EEF1D: variants seen among roughly 807,000 people sequenced by gnomAD.
EEF1D encodes the protein eukaryotic translation elongation factor 1 delta.
EEF1D carries 47 observed loss-of-function variants against 63.9 expected under a neutral mutation model. The ratio of observed to expected loss-of-function variants is 0.74; its 90% CI spans 0.58 to 0.94. The LOEUF (loss-of-function observed/expected upper bound fraction) is 0.94, where lower values mean the gene tolerates loss of function less well. Among genes scored for constraint, EEF1D ranks in the 40% least tolerant of loss-of-function variants. EEF1D has a pLI of 0.00. For synonymous variants in EEF1D, 412 were observed against 386.1 expected (o/e 1.07, Z -0.79); for missense variants, 907 against 899.0 (o/e 1.01, Z -0.11).
intron 2 of EEF1D, chr8:143,592,170 G>T (rs1828080016): frequency 7.1e-6 from 7 of 985,396 alleles, no homozygotes; most frequent in African/African-American, 1.7e-5. Context: ...AGGGCATTGT[G>T]ACATCGTGCG....
At chr8:143,586,680 C>A in intron 4 of EEF1D, 49 bp downstream of exon 4, 1 of 1,600,886 alleles carries the variant, frequency 6.2e-7, no homozygotes, top group Non-Finnish European at 8.5e-7. Context: ...GCCCCGGCCA[C>A]TCCTGTCGGG....
At chr8:143,595,928 C>A (rs912377888) in intron 1 of EEF1D, among the ~76,000 whole-genome samples, 1 of 152,228 alleles carries the variant, frequency 6.6e-6, no homozygotes, top group African/African-American at 2.4e-5. Context: ...CTCACTGCCA[C>A]CAGCTTCCAA....
intron 1 of EEF1D, chr8:143,593,982 G>A (rs574928047): frequency 3.1e-5 from 29 of 928,370 alleles, no homozygotes; most frequent in African/African-American, 7.1e-5. Flanking sequence ...AGGAGAGCCC[G>A]GAGCAGGACA....
At chr8:143,591,941 G>A (rs1241331736) in intron 2 of EEF1D, 40 of 770,842 alleles carry the variant, frequency 5.2e-5, no homozygotes, top group Non-Finnish European at 6.1e-5. Flanking sequence ...GGAGTTCTTT[G>A]CGGGCATGTG....
rs965306748 is a variant in EEF1D, at chr8:143,579,903, G to C, written c.1906-73C>G. The C allele has an allele frequency of 5.2e-6, 8 of 1,543,568 alleles. No homozygotes were observed. The African/African-American group carries it at 8.2e-5, about 16-fold the overall frequency. On this transcript the variant is annotated intron_variant, in intron 9 of 9. Transcript: ENST00000618139. ...ACTCGGAGCCAGGAGCCTCCTCTGAGGTGGGGTTCACTCTGGGACTCGCTC... is the reference window on the plus strand; with the variant it reads ...ACTCGGAGCCAGGAGCCTCCTCTGACGTGGGGTTCACTCTGGGACTCGCTC...
Position 143,580,742 on chromosome 8 carries a change from G to C in EEF1D, c.1489-15C>G, listed in dbSNP as rs1209611225. 2 of 1,611,464 alleles carry C rather than the reference G, an allele frequency of 1.2e-6. No individual in the cohort carries two copies. Among genetic ancestry groups the C allele is most frequent in the Non-Finnish European group, 1.7e-6 (2 of 1,179,884 alleles). ...GGAGATACGTGCTGCCACAGGGGAA[G>C]GGACAGGAGGCACGGCTGAGACGCC... On this transcript the variant is annotated splice_polypyrimidine_tract_variant and intron_variant, in intron 7 of 9. Transcript: ENST00000618139.
intron 5 of EEF1D, chr8:143,586,000 C>T (rs895913573): frequency 3.6e-5 from 17 of 471,600 alleles, no homozygotes; most frequent in African/African-American, 1.4e-4. Context: ...GACCGCCAGC[C>T]GGCAGACGAG....
rs1482589034 is a variant in EEF1D, at chr8:143,580,619, C to T, written c.1597G>A (p.Glu533Lys). The change falls in exon 8 of 10, where the codon GAG becomes AAG. Residue 533 changes from glutamate (E) to lysine (K), a missense_variant. Physicochemically the swap from Glu to Lys is moderately conservative, Grantham distance 56 (BLOSUM62 1). Coordinates refer to ENST00000618139, the MANE Select transcript of EEF1D (RefSeq NM_001130053.5). Reference protein sequence around the residue: ...IDLFGSDNEEEDKEAAQLREE... With the variant: ...IDLFGSDNEEKDKEAAQLREE... ...CGCAGCTGTGCCGCCTCCTTGTCCT[C>T]CTCCTCATTGTCACTGCCAAACAGG... 1.2e-6 allele frequency: 2 copies of T among 1,613,866 alleles called. No individual in the cohort carries two copies. Among genetic ancestry groups the T allele is most frequent in the Admixed American group, 1.7e-5 (1 of 60,024 alleles).
chr8:143,594,008 C>T, intron 1 of EEF1D: 1 of 764,014 alleles, frequency 1.3e-6, no homozygotes, highest in Non-Finnish European at 1.6e-6. Context: ...ACTCTTTCAA[C>T]TGCGTCCCGA....
At position 143,589,271 on chromosome 8, in the gene EEF1D, C is replaced by A. The variant is rs1465049607; in HGVS notation, c.811G>T (p.Ala271Ser). ...CGCCGGTCTCTGCGGCCCCGCCGGG[C>A]ACCCTCGGCCAGGCCGGCTCGCTCT... ...LQERAGLAEG[A>S]RRGRRDRRGR... The change falls in exon 3 of 10, where the codon GCC becomes TCC. Residue 271 changes from alanine (A) to serine (S), a missense_variant. Ala to Ser is a moderately conservative substitution (Grantham distance 99). Transcript: ENST00000618139. 3 of 1,587,338 alleles carry A rather than the reference C, an allele frequency of 1.9e-6. No homozygotes were observed. Among genetic ancestry groups the A allele is most frequent in the Non-Finnish European group, 8.6e-7 (1 of 1,165,960 alleles).
intron 5 of EEF1D, among the ~76,000 whole-genome samples, chr8:143,585,162 AAAG>A (rs1170631478): frequency 3.3e-5 from 5 of 152,296 alleles, no homozygotes; most frequent in South Asian, 2.1e-4. Context: ...TACATGGCAA[AAAG>A]AAGAATTGGC....
At position 143,589,223 on chromosome 8, in the gene EEF1D, T is replaced by C; in HGVS notation, c.859A>G (p.Lys287Glu). ...TCGGCCCGTCGCAGCCCGGCCCGCTTGTTCCCTAAGATGTTGCGGCCCCGC... is the reference window on the plus strand; with the variant it reads ...TCGGCCCGTCGCAGCCCGGCCCGCTCGTTCCCTAAGATGTTGCGGCCCCGC... ...DRRGRNILGN[K>E]RAGLRRADGE... The change falls in exon 3 of 10, where the codon AAG (lysine) becomes GAG (glutamate). Residue 287 changes from lysine (K) to glutamate (E), a missense_variant. Coordinates refer to ENST00000618139, the MANE Select transcript of EEF1D (RefSeq NM_001130053.5). 1 of 1,581,592 alleles carries C rather than the reference T, an allele frequency of 6.3e-7. No homozygotes were observed. Among genetic ancestry groups the C allele is most frequent in the East Asian group, 2.3e-5 (1 of 43,754 alleles).
In EEF1D at chr8:143,586,032, G is replaced by A. The variant is rs1587146941; in HGVS notation, c.1287+187C>T. 10 of 518,216 alleles carry A rather than the reference G, an allele frequency of 1.9e-5. No individual in the cohort carries two copies. The East Asian group carries it at 2.2e-4, about 11-fold the overall frequency. The allele number at this position is 518,216 out of a possible 1,614,324, so 32.1% of individuals were successfully genotyped here. On this transcript the variant is annotated intron_variant, in intron 5 of 9. Transcript: ENST00000618139. ...CGAGGTAAGCACGGAAGGGACGCGA[G>A]AATAAGAACACTGTCCGTGGCAGTC...
intron 7 of EEF1D, 142 bp downstream of exon 7, chr8:143,580,912 T>G (rs1352916193): frequency 8.5e-7 from 1 of 1,172,538 alleles, no homozygotes; most frequent in Non-Finnish European, 1.2e-6. Flanking sequence ...CAGGGCTAAC[T>G]GTAAACCTTC....
At chr8:143,592,212 G>T in intron 2 of EEF1D, 1 of 985,512 alleles carries the variant, frequency 1.0e-6, no homozygotes, top group Non-Finnish European at 1.2e-6. Flanking sequence ...CTGCTCCCAT[G>T]GAGCCGTGCA....
intron 1 of EEF1D, among the ~76,000 whole-genome samples, chr8:143,593,359 G>A (rs760386024): frequency 6.6e-6 from 1 of 152,184 alleles, no homozygotes. Context: ...AATCTCACCA[G>A]AGCCACCTCA....
At chr8:143,586,078 C>CCA (rs1469151183) in intron 5 of EEF1D, 141 bp downstream of exon 5, 1 of 649,048 alleles carries the variant, frequency 1.5e-6, no homozygotes, top group Non-Finnish European at 2.6e-6. Flanking sequence ...GGTCACAGAG[C>CCA]CACACGTCCC....
At chr8:143,587,341 T>C (rs1826874892) in intron 3 of EEF1D, 1 of 152,580 alleles carries the variant, frequency 6.6e-6, no homozygotes, top group African/African-American at 2.4e-5. Flanking sequence ...TTATTTTTTT[T>C]TTGTGTGAGA....
chr8:143,580,981 G>T (rs555082064), intron 7 of EEF1D, 73 bp downstream of exon 7: 633 of 1,514,296 alleles, frequency 4.2e-4, no homozygotes, highest in Non-Finnish European at 5.4e-4. Flanking sequence ...GCTGGGGCCA[G>T]CCCACAGGGC....
Sources: allele counts gnomAD v4.1 joint callset (sites outside exome capture counted in the v4.1 genomes callset), GRCh38; gene constraint gnomAD v4.1.1; transcripts MANE v1.5; gene names NCBI Gene and HGNC (gene_info 2026-07-23, HGNC 2026-07-21).